ERCC6: variants seen among roughly 807,000 people sequenced by gnomAD.
ERCC6 encodes DNA excision repair protein ERCC-6.
A neutral mutation model predicts 158.7 loss-of-function variants in ERCC6; 116 were observed. The ratio of observed to expected loss-of-function variants is 0.73; its 90% CI spans 0.63 to 0.85. ERCC6 has a LOEUF of 0.85. ERCC6 is among the 40% of genes least tolerant of loss of function. The pLI is 0.00. For synonymous variants in ERCC6, 678 were observed against 659.3 expected (o/e 1.03, Z -0.43); for missense variants, 1,698 against 1,799.4 (o/e 0.94, Z 1.02).
chr10:49,516,425 A>G (rs748155151), intron 5 of ERCC6: 13 of 1,614,212 alleles, frequency 8.1e-6, no homozygotes, highest in Non-Finnish European at 1.1e-5. Context: ...TGTCAGCAAC[A>G]TGCAAATTAG....
At chr10:49,493,834 C>G (rs2132565843) in intron 7 of ERCC6, among the ~76,000 whole-genome samples, 1 of 152,328 alleles carries the variant, frequency 6.6e-6, no homozygotes, top group Admixed American at 6.5e-5. Context: ...CCTCACTACA[C>G]CACCCTGCCT....
intron 5 of ERCC6, among the ~76,000 whole-genome samples, chr10:49,511,324 A>G (rs1402175452): frequency 2.0e-5 from 3 of 152,184 alleles, no homozygotes; most frequent in African/African-American, 7.2e-5. Flanking sequence ...GGAAGGAAAT[A>G]GTGTTTTTGA....
the ERCC6 span, among the ~76,000 whole-genome samples, chr10:49,445,739 C>T: frequency 2.0e-5 from 3 of 152,064 alleles, no homozygotes; most frequent in Non-Finnish European, 2.9e-5. Context: ...GGGCTACAAA[C>T]GAGAAAGAAA....
In ERCC6 at chr10:49,515,910, C is replaced by T. The variant is rs200697187; in HGVS notation, c.1397+8123G>A. On this transcript the variant is annotated intron_variant, in intron 5 of 20. Coordinates refer to ENST00000355832, the MANE Select transcript of ERCC6 (RefSeq NM_000124.4). ...GACAATATTGCCTTTGCCATCAATT[C>T]GATAATCAAATGTGCCTCTTTCTTT... 204 of 1,614,138 alleles carry T rather than the reference C, an allele frequency of 1.3e-4. 2 individuals are homozygous for T. In the South Asian group the frequency reaches 1.8e-3, roughly 14 times the overall value.
At chr10:49,507,515 T>G (rs528795243) in intron 5 of ERCC6, among the ~76,000 whole-genome samples, 3 of 152,346 alleles carry the variant, frequency 2.0e-5, no homozygotes, top group Admixed American at 1.3e-4. Context: ...CACTGGTATT[T>G]TTTTTCCTTA....
At chr10:49,536,448 C>T (rs1391910763) in intron 1 of ERCC6, among the ~76,000 whole-genome samples, 1 of 152,076 alleles carries the variant, frequency 6.6e-6, no homozygotes, top group African/African-American at 2.4e-5. Context: ...ACATCTTTCT[C>T]GGACTCTGGC....
In ERCC6 at chr10:49,470,426, A is replaced by G. The variant is rs4253210; in HGVS notation, c.3534T>C (p.Phe1178=). ...FWENKQMENN[F]YKHKSKTKHH... is the part of the protein sequence containing the mutation. ...GTTTTGTTTTTGACTTGTGCTTATA[A>G]AAATTATTTTCCATTTGTTTATTCT... is the stretch of plus-strand genomic sequence containing the variant. Residue 1178 remains phenylalanine, a synonymous_variant, in exon 18 of 21, where the codon TTT becomes TTC. Transcript: ENST00000355832. The G allele has an allele frequency of 1.6e-4, 263 of 1,613,958 alleles. 1 individual carries two copies. The highest frequency in any genetic ancestry group is 2.1e-4 in the Non-Finnish European group (249 of 1,180,020).
chr10:49,519,497 C>T (rs142185197), intron 5 of ERCC6, among the ~76,000 whole-genome samples: 3 of 152,242 alleles, frequency 2.0e-5, no homozygotes, highest in Non-Finnish European at 4.4e-5. Flanking sequence ...GCCTTCAAAC[C>T]ATGCAGAGGA....
In ERCC6 at chr10:49,505,979, C is replaced by G; in HGVS notation, c.1431G>C (p.Glu477Asp). Residue 477 changes from glutamate (E) to aspartate (D), a missense_variant, in exon 6 of 21, where the codon GAG becomes GAC. By Grantham distance (45) the Glu-to-Asp change is conservative. Coordinates refer to ENST00000355832, the MANE Select transcript of ERCC6 (RefSeq NM_000124.4). The part of the protein sequence containing the change: ...RWNKLRLQDK[E>D]KRLKLEDDSE... The stretch of plus-strand genomic sequence containing the variant: ...AATCGTCCTCCAGCTTCAGACGTTT[C>G]TCTTTGTCCTGCAGTCTCAGTTTAT... The G allele has an allele frequency of 6.2e-7, 1 of 1,613,450 alleles. No individual in the cohort carries two copies. The highest frequency in any genetic ancestry group is 8.5e-7 in the Non-Finnish European group (1 of 1,179,556).
chr10:49,468,823 C>T (rs976719937), intron 18 of ERCC6, among the ~76,000 whole-genome samples: 6 of 152,090 alleles, frequency 3.9e-5, no homozygotes, highest in Non-Finnish European at 5.9e-5. Context: ...ACAAATTGAG[C>T]TCAGCATATA....
Position 49,468,640 on chromosome 10 carries a change from T to C in ERCC6, c.3778+1542A>G, listed in dbSNP as rs568245039. 2.0e-5 allele frequency among the ~76,000 whole-genome samples: 3 copies of C among 152,328 alleles called. No homozygotes were observed. In the South Asian group the frequency reaches 6.2e-4, roughly 32 times the overall value. On this transcript the variant is annotated intron_variant, in intron 18 of 20. Coordinates refer to ENST00000355832, the MANE Select transcript of ERCC6 (RefSeq NM_000124.4). The stretch of plus-strand genomic sequence containing the variant: ...GCACGTATGTATGTGTATATGTATG[T>C]ACACAACAAACACATACACACACAT...
intron 6 of ERCC6, 149 bp from the exon 7 acceptor site, chr10:49,500,845 A>T (rs1851344855): frequency 1.2e-6 from 1 of 800,148 alleles, no homozygotes; most frequent in African/African-American, 1.7e-5. Flanking sequence ...CATGAGTATT[A>T]TATTTATAAG....
chr10:49,481,500 C>G (rs1441806440), intron 10 of ERCC6, among the ~76,000 whole-genome samples: 1 of 152,124 alleles, frequency 6.6e-6, no homozygotes, highest in Non-Finnish European at 1.5e-5. Flanking sequence ...ATTAAATACT[C>G]CAAAATACGA....
At chr10:49,438,963 A>G in the ERCC6 span, among the ~76,000 whole-genome samples, 2 of 152,216 alleles carry the variant, frequency 1.3e-5, no homozygotes, top group Non-Finnish European at 2.9e-5. Context: ...GGTCTTGGGA[A>G]GCTCCGCCCC....
At chr10:49,439,381 C>G in the ERCC6 span, among the ~76,000 whole-genome samples, 1 of 152,228 alleles carries the variant, frequency 6.6e-6, no homozygotes, top group East Asian at 1.9e-4. Flanking sequence ...GGCCTGAGCT[C>G]TATGTTGGCC....
chr10:49,466,913 G>A (rs988650280), intron 18 of ERCC6, among the ~76,000 whole-genome samples: 1 of 152,050 alleles, frequency 6.6e-6, no homozygotes, highest in African/African-American at 2.4e-5. Context: ...AGCTTCCCAA[G>A]TAGCTGGGAT....
chr10:49,483,079 G>A (rs1851008744), intron 9 of ERCC6, among the ~76,000 whole-genome samples: 1 of 152,084 alleles, frequency 6.6e-6, no homozygotes, highest in African/African-American at 2.4e-5. Context: ...TGTTGAAGCT[G>A]AATACTATAG....
chr10:49,452,409 T>C (rs1034913933), downstream of ERCC6, among the ~76,000 whole-genome samples: 6 of 152,106 alleles, frequency 3.9e-5, no homozygotes, highest in Admixed American at 2.6e-4. Flanking sequence ...GTTCCCATTT[T>C]TTATTTCTAA....
At chr10:49,492,812 C>T (rs1851197995) in intron 8 of ERCC6, among the ~76,000 whole-genome samples, 1 of 152,210 alleles carries the variant, frequency 6.6e-6, no homozygotes, top group Admixed American at 6.5e-5. Flanking sequence ...CTGGACGCAG[C>T]CACCTGACTT....
Sources: allele counts gnomAD v4.1 joint callset (sites outside exome capture counted in the v4.1 genomes callset), GRCh38; gene constraint gnomAD v4.1.1; transcripts MANE v1.5; gene names NCBI Gene and HGNC (gene_info 2026-07-23, HGNC 2026-07-21).